The following PPP1R12A variants were observed in gnomAD, a reference collection of about 807,000 sequenced individuals.
PPP1R12A encodes protein phosphatase 1 regulatory subunit 12A.
A neutral mutation model predicts 139.6 loss-of-function variants in PPP1R12A; 19 were observed. That is an observed-to-expected ratio of 0.14 (90% CI 0.09 to 0.20). The LOEUF is 0.20. Among genes scored for constraint, PPP1R12A ranks in the 10% least tolerant of loss-of-function variants. The pLI is 1.00. For missense variants in PPP1R12A, 925 were observed against 1,211.5 expected (o/e 0.76, Z 3.51); for synonymous variants, 427 against 420.6 (o/e 1.02, Z -0.19).
intron 22 of PPP1R12A, among the ~76,000 whole-genome samples, chr12:79,783,518 T>C: frequency 6.8e-6 from 1 of 147,824 alleles, no homozygotes; most frequent in East Asian, 1.9e-4. Flanking sequence ...TAGTTAATTC[T>C]CATTTATTTT....
intron 1 of PPP1R12A, among the ~76,000 whole-genome samples, chr12:79,887,331 T>A (rs1884198407): frequency 6.6e-6 from 1 of 152,116 alleles, no homozygotes; most frequent in African/African-American, 2.4e-5. Flanking sequence ...TTATAGTTCC[T>A]TAAGAATAGA....
intron 3 of PPP1R12A, among the ~76,000 whole-genome samples, chr12:79,841,265 C>T (rs1320395003): frequency 5.9e-5 from 9 of 152,148 alleles, no homozygotes; most frequent in African/African-American, 2.2e-4. Context: ...GATACCCCGC[C>T]TTTTCTGTCC....
At chr12:79,889,501 A>G (rs369257812) in intron 1 of PPP1R12A, among the ~76,000 whole-genome samples, 33 of 152,342 alleles carry the variant, frequency 2.2e-4, no homozygotes, top group African/African-American at 7.7e-4. Context: ...TGACTGGGAA[A>G]TAATATCTCC....
intron 1 of PPP1R12A, chr12:79,913,708 A>G (rs1886774312): frequency 6.6e-6 from 1 of 152,176 alleles, no homozygotes; most frequent in African/African-American, 2.4e-5. Context: ...ATGCATACAC[A>G]AACAGACAAT....
chr12:79,823,120 G>T (rs1876330005), intron 5 of PPP1R12A, among the ~76,000 whole-genome samples: 1 of 152,074 alleles, frequency 6.6e-6, no homozygotes, highest in Admixed American at 6.5e-5. Context: ...CACTGTGAAA[G>T]AGAAAAATTT....
intron 5 of PPP1R12A, among the ~76,000 whole-genome samples, chr12:79,826,349 T>G (rs889558842): frequency 2.0e-4 from 29 of 147,888 alleles, no homozygotes; most frequent in South Asian, 6.5e-4. Flanking sequence ...TTTTTTTTTT[T>G]TTTTTTTTTT....
At chr12:79,856,617 A>T (rs1412228566) in intron 2 of PPP1R12A, among the ~76,000 whole-genome samples, 1 of 152,230 alleles carries the variant, frequency 6.6e-6, no homozygotes, top group Admixed American at 6.5e-5. Flanking sequence ...TCAACAGCAA[A>T]GCAATTTGAG....
intron 1 of PPP1R12A, among the ~76,000 whole-genome samples, chr12:79,902,697 C>T (rs1018313739): frequency 6.6e-6 from 1 of 152,034 alleles, no homozygotes; most frequent in Non-Finnish European, 1.5e-5. Context: ...TTAACTAATT[C>T]TACCAAAAAT....
intron 4 of PPP1R12A, among the ~76,000 whole-genome samples, chr12:79,830,274 A>T (rs941591083): frequency 6.6e-6 from 1 of 152,166 alleles, no homozygotes; most frequent in Non-Finnish European, 1.5e-5. Flanking sequence ...TTTTACAATA[A>T]ATACAAATGA....
At chr12:79,811,049 A>T (rs1321099459) in intron 9 of PPP1R12A, among the ~76,000 whole-genome samples, 1 of 152,176 alleles carries the variant, frequency 6.6e-6, no homozygotes, top group African/African-American at 2.4e-5. Context: ...TCACTTCATC[A>T]ACTTCACTTC....
chr12:79,794,000 T>C (rs1212473315), intron 18 of PPP1R12A, 72 bp from the exon 19 acceptor site: 1 of 1,092,696 alleles, frequency 9.2e-7, no homozygotes, highest in Non-Finnish European at 1.3e-6. Context: ...TTTAAAATTA[T>C]TTTTGGGAGT....
intron 9 of PPP1R12A, among the ~76,000 whole-genome samples, chr12:79,816,573 C>T (rs1325614062): frequency 6.6e-6 from 1 of 151,864 alleles, no homozygotes; most frequent in East Asian, 1.9e-4. Context: ...TCCAGAGAAG[C>T]AGGAAAACGT....
Position 79,828,480 on chromosome 12 carries a change from T to A in PPP1R12A, c.648-16A>T. ...TATTAAAAGTCTAAAGAAATTACAG[T>A]GAATTAGACAATCATTAAAATCTAG... On this transcript the variant is annotated splice_polypyrimidine_tract_variant and intron_variant, in intron 4 of 24. Transcript: ENST00000450142. The A allele has an allele frequency of 1.3e-6, 2 of 1,531,472 alleles. No individual in the cohort carries two copies. The highest frequency in any genetic ancestry group is 1.8e-6 in the Non-Finnish European group (2 of 1,123,750). The allele number at this position is 1,531,472 out of a possible 1,614,324, so 94.9% of individuals were successfully genotyped here. A position where few individuals can be genotyped will look rare whatever the true frequency, so the allele number is the denominator to read the frequency against.
chr12:79,798,899 T>A (rs999372497), intron 14 of PPP1R12A, among the ~76,000 whole-genome samples: 1 of 152,068 alleles, frequency 6.6e-6, no homozygotes, highest in Admixed American at 6.5e-5. Context: ...GATTAAAAAT[T>A]TTAGCTCTAT....
At chr12:79,793,073 A>G (rs942343919) in intron 19 of PPP1R12A, among the ~76,000 whole-genome samples, 4 of 152,222 alleles carry the variant, frequency 2.6e-5, no homozygotes, top group African/African-American at 7.2e-5. Context: ...AAGGAACTTC[A>G]ACTCAAAATG....
At chr12:79,900,902 A>G (rs1214531790) in intron 1 of PPP1R12A, among the ~76,000 whole-genome samples, 1 of 152,224 alleles carries the variant, frequency 6.6e-6, no homozygotes, top group Non-Finnish European at 1.5e-5. Context: ...ATTCTCTTCA[A>G]GGCCCGAAGA....
intron 2 of PPP1R12A, among the ~76,000 whole-genome samples, chr12:79,870,164 T>G (rs1882419732): frequency 6.6e-6 from 1 of 152,162 alleles, no homozygotes; most frequent in Admixed American, 6.6e-5. Context: ...AATGGTGCTA[T>G]CTCAGCTCAC....
intron 2 of PPP1R12A, among the ~76,000 whole-genome samples, chr12:79,865,468 G>T (rs1405720324): frequency 1.3e-5 from 2 of 152,182 alleles, no homozygotes; most frequent in Non-Finnish European, 2.9e-5. Flanking sequence ...GTTCTGGCCA[G>T]GGCAATCAGG....
intron 23 of PPP1R12A, chr12:79,779,650 C>A (rs1870176146): frequency 3.5e-6 from 1 of 287,410 alleles, no homozygotes; most frequent in African/African-American, 2.2e-5. Context: ...TCATACAAAT[C>A]ATCACACTTC....
Sources: allele counts gnomAD v4.1 joint callset (sites outside exome capture counted in the v4.1 genomes callset), GRCh38; gene constraint gnomAD v4.1.1; transcripts MANE v1.5; gene names NCBI Gene and HGNC (gene_info 2026-07-23, HGNC 2026-07-21).